Variants in C19orf44 observed in about 807,000 individuals in gnomAD.
C19orf44 encodes chromosome 19 open reading frame 44.
Under a neutral mutation model 50.7 loss-of-function variants are expected in C19orf44, and 43 were observed. The ratio of observed to expected loss-of-function variants is 0.85; its 90% confidence interval spans 0.66 to 1.09. The LOEUF is 1.09. C19orf44 is among the 50% of genes least tolerant of loss of function. The probability of loss-of-function intolerance (pLI) is 0.00; values close to 1 mark genes in which losing one functional copy is unlikely to be tolerated. For synonymous variants in C19orf44, 298 were observed against 334.7 expected (o/e 0.89, Z 1.20); for missense variants, 722 against 836.2 (o/e 0.86, Z 1.68).
chr19:16,519,494 G>T lies in C19orf44; in HGVS notation c.*41-600G>T. 1 of 1,251,864 alleles carries T rather than the reference G, an allele frequency of 8.0e-7. No individual in the cohort carries two copies. The highest frequency in any genetic ancestry group is 1.1e-6 in the Non-Finnish European group (1 of 871,334). 77.5% of individuals were successfully genotyped at this position (1,251,864 alleles called of 1,614,324 possible). On this transcript the variant is annotated intron_variant, in intron 8 of 8. Coordinates refer to ENST00000221671, the MANE Select transcript of C19orf44 (RefSeq NM_032207.4). This position sits in a 1 kb window ranked among gnomAD's most constrained non-coding sequence, Gnocchi z 6.0. The stretch of plus-strand genomic sequence containing the variant: ...CAGGCCGGCCCTGTCTAGAGGGTCT[G>T]GGTGGAGTCAGAACCGGCCTGACTC...
intron 7 of C19orf44, among the ~76,000 whole-genome samples, chr19:16,516,959 C>T (rs765446029): frequency 6.6e-5 from 10 of 152,190 alleles, no homozygotes; most frequent in African/African-American, 1.2e-4. Flanking sequence ...TTGCTCCAGG[C>T]GCTTCTCCCT....
intron 2 of C19orf44, among the ~76,000 whole-genome samples, chr19:16,502,824 C>CAA (rs200824240): frequency 8.1e-6 from 1 of 122,894 alleles, no homozygotes; most frequent in African/African-American, 3.0e-5. Flanking sequence ...CCCATTCCTA[C>CAA]AAAAAAAAAA....
Position 16,501,161 on chromosome 19 carries a change from C to A in C19orf44, c.369C>A (p.Ala123=). 1 of 1,614,090 alleles carries A rather than the reference C, an allele frequency of 6.2e-7. No individual in the cohort carries two copies. Among genetic ancestry groups the A allele is most frequent in the Non-Finnish European group, 8.5e-7 (1 of 1,180,036 alleles). The change falls in exon 2 of 9, where the codon GCC becomes GCA. Residue 123 remains alanine, a synonymous_variant. Coordinates refer to ENST00000221671, the MANE Select transcript of C19orf44 (RefSeq NM_032207.4). ...LSDTESDSMT[A]DAGLPKRADR... is the part of the protein sequence containing the mutation. ...ACACGGAATCTGACTCAATGACCGC[C>A]GATGCTGGTCTTCCAAAGAGAGCTG... is the stretch of plus-strand genomic sequence containing the variant.
At position 16,519,853 on chromosome 19, in the gene C19orf44, T is replaced by C; in HGVS notation, c.*41-241T>C. 1 of 795,034 alleles carries C rather than the reference T, an allele frequency of 1.3e-6. No homozygotes were observed. The highest frequency in any genetic ancestry group is 2.2e-6 in the Non-Finnish European group (1 of 464,156). The allele number at this position is 795,034 out of a possible 1,614,324, so 49.2% of individuals were successfully genotyped here. On this transcript the variant is annotated intron_variant, in intron 8 of 8. Coordinates refer to ENST00000221671, the MANE Select transcript of C19orf44 (RefSeq NM_032207.4). The surrounding 1 kb of genome is among the most constrained non-coding windows in gnomAD (Gnocchi z 6.0). ...ACACCGTATGCAGATTTTGCGTCTCTACCCGTTTATCCTGTCTCAGCTAGA... is the reference window on the plus strand; with the variant it reads ...ACACCGTATGCAGATTTTGCGTCTCCACCCGTTTATCCTGTCTCAGCTAGA...
intron 6 of C19orf44, 75 bp from the exon 7 acceptor site, chr19:16,514,422 C>T: frequency 1.4e-6 from 2 of 1,433,074 alleles, no homozygotes; most frequent in South Asian, 1.3e-5. Context: ...CAGCCTGGCA[C>T]CTGAGCGGTG....
chr19:16,520,233 C>T lies in C19orf44; in HGVS notation c.*180C>T, dbSNP rs202164310. On this transcript the variant is annotated 3_prime_UTR_variant, in exon 9 of 9. Transcript: ENST00000221671. This position sits in a 1 kb window ranked among gnomAD's most constrained non-coding sequence, Gnocchi z 4.0. Reference sequence around the variant, plus strand: ...CCGGGACCGCGACTGGGACCGGGAGCGGCTTCTGGAGGAGCGCGACCTGCT... The same window carrying T: ...CCGGGACCGCGACTGGGACCGGGAGTGGCTTCTGGAGGAGCGCGACCTGCT... The T allele has an allele frequency of 1.0e-4, 166 of 1,613,304 alleles. No individual in the cohort carries two copies. In the Middle Eastern group the frequency reaches 4.5e-3, roughly 43 times the overall value.
At chr19:16,507,678 G>A (rs964952615) in intron 4 of C19orf44, among the ~76,000 whole-genome samples, 2 of 151,484 alleles carry the variant, frequency 1.3e-5, no homozygotes, top group Non-Finnish European at 2.9e-5. Context: ...TTTTAGTAGA[G>A]ACGGGGTTTC....
chr19:16,510,204 C>A, intron 5 of C19orf44: 1 of 586,760 alleles, frequency 1.7e-6, no homozygotes, highest in Non-Finnish European at 2.9e-6. Context: ...GTCAGGAGTT[C>A]AAGACCAGTC....
chr19:16,505,854 G>T (rs983834525), intron 3 of C19orf44, among the ~76,000 whole-genome samples: 4 of 150,186 alleles, frequency 2.7e-5, no homozygotes, highest in African/African-American at 9.8e-5. Flanking sequence ...GCTAATTTTT[G>T]TATTTTTAAT....
chr19:16,507,965 G>A (rs1201197407), intron 4 of C19orf44, among the ~76,000 whole-genome samples: 2 of 150,810 alleles, frequency 1.3e-5, no homozygotes, highest in Non-Finnish European at 2.9e-5. Context: ...CACCAGGCCC[G>A]GATAATTTTT....
intron 5 of C19orf44, among the ~76,000 whole-genome samples, chr19:16,512,002 G>T (rs1161557515): frequency 7.9e-6 from 1 of 127,282 alleles, no homozygotes; most frequent in African/African-American, 3.0e-5. Context: ...GCGACAGAGT[G>T]AGACTCTGTC....
At chr19:16,517,394 A>C (rs2122229929) in intron 8 of C19orf44, 53 bp downstream of exon 8, 1,776 of 1,296,918 alleles carry the variant, frequency 1.4e-3, no homozygotes, top group Non-Finnish European at 1.8e-3. Context: ...CATAGAGCTC[A>C]TCAGTGTCCA....
chr19:16,510,771 T>C (rs1407844470), intron 5 of C19orf44, among the ~76,000 whole-genome samples: 1 of 152,130 alleles, frequency 6.6e-6, no homozygotes, highest in Non-Finnish European at 1.5e-5. Flanking sequence ...GGTCTTGCTA[T>C]GTTGCCCAAG....
intron 8 of C19orf44, chr19:16,518,871 G>A (rs977363864): frequency 1.4e-5 from 6 of 422,830 alleles, no homozygotes; most frequent in African/African-American, 4.1e-5. Context: ...GAATTTACTC[G>A]GGCGGAGGGT....
At chr19:16,518,584 G>T (rs2085571432) in intron 8 of C19orf44, 1 of 153,506 alleles carries the variant, frequency 6.5e-6, no homozygotes, top group South Asian at 2.0e-4. Context: ...ACCAAGGAGA[G>T]TAAAAATGAA....
intron 1 of C19orf44, among the ~76,000 whole-genome samples, chr19:16,500,407 C>A (rs1482808577): frequency 6.7e-6 from 1 of 149,852 alleles, no homozygotes; most frequent in African/African-American, 2.5e-5. Context: ...GGCTAGAGTG[C>A]AGTGGCAGGC....
chr19:16,500,195 C>T (rs1392605461), intron 1 of C19orf44, among the ~76,000 whole-genome samples: 1 of 152,104 alleles, frequency 6.6e-6, no homozygotes, highest in Non-Finnish European at 1.5e-5. Flanking sequence ...TCCTAAACTG[C>T]TGGCATTATA....
At position 16,520,567 on chromosome 19, in the gene C19orf44, T is replaced by C. The variant is rs1599745299; in HGVS notation, c.*514T>C. On this transcript the variant is annotated 3_prime_UTR_variant, in exon 9 of 9. Coordinates refer to ENST00000221671, the MANE Select transcript of C19orf44 (RefSeq NM_032207.4). The surrounding 1 kb of genome is among the most constrained non-coding windows in gnomAD (Gnocchi z 4.0). ...TGGATGGGCTGCACCCAGCCCACCC[T>C]GGCCCTCAGGTTCCTAGACCACCCC... 2 of 1,561,282 alleles carry C rather than the reference T, an allele frequency of 1.3e-6. No individual in the cohort carries two copies. Among genetic ancestry groups the C allele is most frequent in the Admixed American group, 1.8e-5 (1 of 54,834 alleles).
At chr19:16,505,812 G>A (rs1174213119) in intron 3 of C19orf44, among the ~76,000 whole-genome samples, 1 of 152,060 alleles carries the variant, frequency 6.6e-6, no homozygotes, top group Non-Finnish European at 1.5e-5. Flanking sequence ...CTCCTGAGTG[G>A]CTGGGACTAC....
Sources: allele counts gnomAD v4.1 joint callset (sites outside exome capture counted in the v4.1 genomes callset), GRCh38; gene constraint gnomAD v4.1.1; non-coding constraint Gnocchi (gnomAD v3.1); transcripts MANE v1.5; gene names NCBI Gene and HGNC (gene_info 2026-07-23, HGNC 2026-07-21).